Variants in RASSF5 observed in about 807,000 individuals in gnomAD.
The protein encoded by RASSF5 is Ras association domain family member 5.
RASSF5 carries 25 observed loss-of-function variants against 40.5 expected under a neutral mutation model. That is an observed-to-expected ratio of 0.62 (90% confidence interval 0.45 to 0.86). The LOEUF (loss-of-function observed/expected upper bound fraction) is 0.86. Ranked by LOEUF, RASSF5 falls within the 40% of genes least tolerant of loss-of-function variation. RASSF5 has a pLI of 0.00. For missense variants in RASSF5, 521 were observed against 572.8 expected, an observed-to-expected ratio of 0.91 and a Z score of 0.92; for synonymous variants, 246 against 252.4, an observed-to-expected ratio of 0.97 and a Z score of 0.24.
intron 2 of RASSF5, among the ~76,000 whole-genome samples, chr1:206,558,644 C>A (rs541645806): frequency 6.6e-6 from 1 of 152,326 alleles, no homozygotes; most frequent in Non-Finnish European, 1.5e-5. Flanking sequence ...GTTAATAATT[C>A]ATCTTGCCTG....
At chr1:206,543,543 G>A (rs1199596184) in intron 2 of RASSF5, 3 of 146,032 alleles carry the variant, frequency 2.1e-5, no homozygotes, top group African/African-American at 7.7e-5. Context: ...TATTTTGCAT[G>A]TATATATACA....
chr1:206,583,607 G>C (rs1668982702), intron 3 of RASSF5: 2 of 515,530 alleles, frequency 3.9e-6, no homozygotes, highest in African/African-American at 1.9e-5. Context: ...GTGATTTTGG[G>C]AAGCTCTTTT....
At chr1:206,574,348 C>T (rs1292822675) in intron 2 of RASSF5, among the ~76,000 whole-genome samples, 1 of 152,204 alleles carries the variant, frequency 6.6e-6, no homozygotes, top group African/African-American at 2.4e-5. Context: ...CCTGCAGACT[C>T]CCAAGGACAG....
At chr1:206,514,653 T>G (rs1385183725) in intron 1 of RASSF5, among the ~76,000 whole-genome samples, 1 of 152,242 alleles carries the variant, frequency 6.6e-6, no homozygotes, top group African/African-American at 2.4e-5. Context: ...TACATAGACC[T>G]TTAAGAAATC....
chr1:206,525,910 C>T (rs1667085783), intron 1 of RASSF5, among the ~76,000 whole-genome samples: 1 of 152,210 alleles, frequency 6.6e-6, no homozygotes, highest in Non-Finnish European at 1.5e-5. Flanking sequence ...AGAGTAAAGA[C>T]CAGGATCTTG....
chr1:206,524,224 T>A (rs1311607013), intron 1 of RASSF5, among the ~76,000 whole-genome samples: 1 of 138,874 alleles, frequency 7.2e-6, no homozygotes, highest in Non-Finnish European at 1.5e-5. Flanking sequence ...ATATATAATA[T>A]AGATACCATA....
chr1:206,557,186 A>G (rs1558511619), intron 2 of RASSF5: 2 of 1,028,460 alleles, frequency 1.9e-6, no homozygotes, highest in Non-Finnish European at 2.3e-6. Flanking sequence ...CGCGAGGGGC[A>G]GGAAAGGCGC....
rs10709687 is a variant in RASSF5, at chr1:206,545,345, GTTTT to G, written c.579+7069_579+7072del. ...GCATAAACTTTTAGGAATTTCTTGT[GTTTT>G]TTTTTTTTTTTTTTTTAACAGACAG... On this transcript the variant is annotated intron_variant, in intron 2 of 5. Coordinates refer to ENST00000579436, the MANE Select transcript of RASSF5 (RefSeq NM_182663.4). Among the ~76,000 whole-genome samples, 98 of 130,250 alleles carry G rather than the reference GTTTT, an allele frequency of 7.5e-4. 1 individual carries two copies. The highest frequency in any genetic ancestry group is 2.4e-3 in the African/African-American group (84 of 35,510). The allele number at this position is 130,250 out of a possible 152,430, so 85.4% of individuals were successfully genotyped here. A position where few individuals can be genotyped will look rare whatever the true frequency, so the allele number is the denominator to read the frequency against.
At chr1:206,578,202 G>C (rs73080965) in intron 2 of RASSF5, among the ~76,000 whole-genome samples, 3,520 of 146,144 alleles carry the variant, frequency 0.024, 119 homozygotes, top group African/African-American at 0.08. Flanking sequence ...CTCTCGACTG[G>C]GTGACAGAGG....
chr1:206,507,742 C>G lies in RASSF5; in HGVS notation c.140C>G (p.Pro47Arg). 6.8e-7 allele frequency: 1 copy of G among 1,471,568 alleles called. No individual in the cohort carries two copies. The highest frequency in any genetic ancestry group is 8.9e-7 in the Non-Finnish European group (1 of 1,118,636). The allele number at this position is 1,471,568 out of a possible 1,614,324, so 91.2% of individuals were successfully genotyped here. ...GACCGGTCCTCGCGCCTCTGTGTCCCGGCGCCCCTCTCCACTGCGCCCGGG... is the reference window on the plus strand; with the variant it reads ...GACCGGTCCTCGCGCCTCTGTGTCCGGGCGCCCCTCTCCACTGCGCCCGGG... ...PPDRSSRLCV[P>R]APLSTAPGAR... Residue 47 changes from proline to arginine, a missense_variant, in exon 1 of 6, where the codon CCG becomes CGG. Physicochemically the swap from Pro to Arg is moderately radical, Grantham distance 103. Transcript: ENST00000579436.
intron 1 of RASSF5, among the ~76,000 whole-genome samples, chr1:206,532,384 AAATT>A (rs1379128221): frequency 6.6e-6 from 1 of 152,190 alleles, no homozygotes; most frequent in African/African-American, 2.4e-5. Context: ...AGGGTAGAGA[AAATT>A]AATGCTCAGA....
At chr1:206,527,722 A>G (rs1184348779) in intron 1 of RASSF5, among the ~76,000 whole-genome samples, 1 of 152,118 alleles carries the variant, frequency 6.6e-6, no homozygotes, top group Non-Finnish European at 1.5e-5. Context: ...CAGAGGAAAA[A>G]GCACTCCTTG....
intron 2 of RASSF5, among the ~76,000 whole-genome samples, chr1:206,546,584 A>C (rs1408023013): frequency 6.6e-6 from 1 of 152,202 alleles, no homozygotes; most frequent in African/African-American, 2.4e-5. Context: ...TAGCATTTAC[A>C]GTATATAAAT....
intron 2 of RASSF5, among the ~76,000 whole-genome samples, chr1:206,582,797 C>T (rs375927115): frequency 1.8e-4 from 27 of 152,340 alleles, no homozygotes; most frequent in African/African-American, 6.0e-4. Context: ...ATACTGGCAC[C>T]ATGGGTAGAC....
intron 1 of RASSF5, among the ~76,000 whole-genome samples, chr1:206,528,261 G>A (rs538951100): frequency 1.3e-5 from 2 of 152,136 alleles, no homozygotes; most frequent in East Asian, 3.9e-4. Flanking sequence ...AAGACAGGGA[G>A]ATAATACTAA....
chr1:206,537,285 C>T (rs12756098), intron 1 of RASSF5, among the ~76,000 whole-genome samples: 2 of 152,112 alleles, frequency 1.3e-5, no homozygotes, highest in Non-Finnish European at 2.9e-5. Context: ...TGAACATTGT[C>T]GATGGAATGT....
Position 206,523,458 on chromosome 1 carries a change from T to G in RASSF5, c.458-14714T>G, listed in dbSNP as rs1335914001. 5.2e-5 allele frequency among the ~76,000 whole-genome samples: 6 copies of G among 115,454 alleles called. No individual in the cohort carries two copies. In the Admixed American group the frequency reaches 7.4e-4, roughly 14 times the overall value. The allele number at this position is 115,454 out of a possible 152,430, so 75.7% of individuals were successfully genotyped here. Reference sequence around the variant, plus strand: ...TATTTTATATATAATATATAATATATTAAATATATTTTATATACAATATAT... The same window carrying G: ...TATTTTATATATAATATATAATATAGTAAATATATTTTATATACAATATAT... On this transcript the variant is annotated intron_variant, in intron 1 of 5. Coordinates refer to ENST00000579436, the MANE Select transcript of RASSF5 (RefSeq NM_182663.4).
At chr1:206,566,973 GT>G (rs1668306580) in intron 2 of RASSF5, among the ~76,000 whole-genome samples, 1 of 152,206 alleles carries the variant, frequency 6.6e-6, no homozygotes, top group African/African-American at 2.4e-5. Flanking sequence ...TTAGGGCAAG[GT>G]TTGTGAAAGT....
At chr1:206,523,868 TTATATATTTTA>T (rs1667006360) in intron 1 of RASSF5, among the ~76,000 whole-genome samples, 1 of 110,132 alleles carries the variant, frequency 9.1e-6, no homozygotes, top group East Asian at 2.3e-4. Context: ...ATTTTATATA[TTATATATTTTA>T]TATATATTTT....
Sources: allele counts gnomAD v4.1 joint callset (sites outside exome capture counted in the v4.1 genomes callset), GRCh38; gene constraint gnomAD v4.1.1; transcripts MANE v1.5; gene names NCBI Gene and HGNC (gene_info 2026-07-23, HGNC 2026-07-21).